Variants in GNG2 observed in about 807,000 individuals in gnomAD.
GNG2 encodes the protein guanine nucleotide-binding protein G(I)/G(S)/G(O) subunit gamma-2.
Under a neutral mutation model 5.5 loss-of-function variants are expected in GNG2, and 5 were observed. That is an observed-to-expected ratio of 0.91 (90% CI 0.48 to 1.92). The LOEUF (loss-of-function observed/expected upper bound fraction) is 1.92. Among genes scored for constraint, GNG2 ranks in the 30% most tolerant of loss-of-function variants. GNG2 has a pLI of 0.01. For missense variants in GNG2, 55 were observed against 88.4 expected (o/e 0.62, Z 1.52); for synonymous variants, 28 against 32.0 (o/e 0.88, Z 0.42).
rs140420570 is a variant in GNG2 at position 51,834,449 on chromosome 14, G to C, written c.64+6642G>C. 1.9e-3 allele frequency among the ~76,000 whole-genome samples: 283 copies of C among 152,284 alleles called. 3 individuals carry two copies. The highest frequency in any genetic ancestry group is 6.5e-3 in the African/African-American group (269 of 41,558). ...TTGGTGACAGAAAACAGAGCTTGTC[G>C]ACCAGCTGGGAGACAAGTGTCAAGT... On this transcript the variant is annotated intron_variant, in intron 2 of 3. Transcript: ENST00000553432.
chr14:51,870,461 T>A (rs576495766), intron 1 of GNG2, among the ~76,000 whole-genome samples: 1 of 152,182 alleles, frequency 6.6e-6, no homozygotes, highest in Non-Finnish European at 1.5e-5. Context: ...CATTGTAAAA[T>A]ATATATATAA....
At chr14:51,919,176 T>TTATA (rs1886857481) in intron 2 of GNG2, among the ~76,000 whole-genome samples, 1 of 152,136 alleles carries the variant, frequency 6.6e-6, no homozygotes, top group African/African-American at 2.4e-5. Context: ...ACTCTAAATT[T>TTATA]TATAACTTAG....
exon 2 of GNG2, chr14:51,827,739 G>C: frequency 1.4e-6 from 1 of 701,946 alleles, no homozygotes; most frequent in Non-Finnish European, 2.6e-6. Flanking sequence ...CTCTGGTCTA[G>C]GGGCATGCAG....
intron 2 of GNG2, among the ~76,000 whole-genome samples, chr14:51,935,149 C>G (rs527560324): frequency 6.6e-6 from 1 of 152,050 alleles, no homozygotes; most frequent in African/African-American, 2.4e-5. Context: ...CTCCGCCTCC[C>G]AAGTAGCTGG....
chr14:51,896,279 C>CT (rs1885187468), intron 2 of GNG2, among the ~76,000 whole-genome samples: 2 of 152,172 alleles, frequency 1.3e-5, no homozygotes, highest in Non-Finnish European at 2.9e-5. Flanking sequence ...TAGAGAACAT[C>CT]TATAATTATC....
chr14:51,933,586 T>G (rs1887785465), intron 2 of GNG2, among the ~76,000 whole-genome samples: 1 of 152,152 alleles, frequency 6.6e-6, no homozygotes, highest in Admixed American at 6.5e-5. Flanking sequence ...GAGACAAAAT[T>G]AATGATGCCA....
chr14:51,934,582 C>T (rs1887857017), intron 2 of GNG2, among the ~76,000 whole-genome samples: 1 of 152,164 alleles, frequency 6.6e-6, no homozygotes, highest in African/African-American at 2.4e-5. Context: ...GGGGAAATGA[C>T]TCATCCGTGA....
intron 2 of GNG2, among the ~76,000 whole-genome samples, chr14:51,883,442 C>A (rs1211646740): frequency 6.6e-6 from 1 of 152,322 alleles, no homozygotes; most frequent in African/African-American, 2.4e-5. Flanking sequence ...TGCAAACCCG[C>A]AGCTGTAAAA....
At chr14:51,893,125 T>C (rs1884971240) in intron 2 of GNG2, among the ~76,000 whole-genome samples, 1 of 152,202 alleles carries the variant, frequency 6.6e-6, no homozygotes, top group Admixed American at 6.5e-5. Context: ...TGTGGTGGAA[T>C]CCCAAACAGG....
chr14:51,969,764 ATG>A lies in GNG2; in HGVS notation c.*3081_*3082del, dbSNP rs1484071691. On this transcript the variant is annotated 3_prime_UTR_variant, in exon 4 of 4. Coordinates refer to ENST00000556766, the MANE Select transcript of GNG2 (RefSeq NM_053064.5). ...CATTTTCATCCCACATGGACAATGT[ATG>A]TGTTTTAATAAATGGAATTTTCAGA... 1.3e-5 allele frequency: 2 copies of A among 152,246 alleles called. No homozygotes were observed. The highest frequency in any genetic ancestry group is 4.8e-5 in the African/African-American group (2 of 41,470). 9.4% of individuals were successfully genotyped at this position (152,246 alleles called of 1,614,324 possible). A position where few individuals can be genotyped will look rare whatever the true frequency, so the allele number is the denominator to read the frequency against.
intron 3 of GNG2, among the ~76,000 whole-genome samples, chr14:51,951,291 G>A (rs1888962242): frequency 6.6e-6 from 1 of 152,176 alleles, no homozygotes; most frequent in South Asian, 2.1e-4. Flanking sequence ...GAGGTTTAAT[G>A]AAAGTTCATA....
rs535202343 is a variant in GNG2, at chr14:51,949,037, C to T, written c.-29-1613C>T. 9.9e-5 allele frequency among the ~76,000 whole-genome samples: 15 copies of T among 151,130 alleles called. No homozygotes were observed. In the South Asian group the frequency reaches 2.3e-3, roughly 23 times the overall value. On this transcript the variant is annotated intron_variant, in intron 2 of 3. Coordinates refer to ENST00000556766, the MANE Select transcript of GNG2 (RefSeq NM_053064.5). ...TCAGGAGGCTGAGGCAGGAGAATGG[C>T]ATGAACCTGGGTGGTGGAGCTTGCA... is the stretch of plus-strand genomic sequence containing the variant.
chr14:51,918,005 AAG>A (rs771229248), intron 2 of GNG2, among the ~76,000 whole-genome samples: 7 of 150,680 alleles, frequency 4.6e-5, no homozygotes, highest in Non-Finnish European at 1.0e-4. Context: ...TAGTCTGGGC[AAG>A]AGAGAGAGAC....
chr14:51,836,214 A>G (rs374440515), intron 2 of GNG2, among the ~76,000 whole-genome samples: 20 of 152,012 alleles, frequency 1.3e-4, no homozygotes, highest in African/African-American at 4.6e-4. Context: ...TCATGACCTG[A>G]TTATCTCGCA....
Position 51,841,309 on chromosome 14 carries a change from G to A in GNG2, c.64+13502G>A, listed in dbSNP as rs189128027. Among the ~76,000 whole-genome samples, 1,006 of 152,256 alleles carry A rather than the reference G, an allele frequency of 6.6e-3. 5 individuals carry two copies. Among genetic ancestry groups the A allele is most frequent in the Middle Eastern group, 0.017 (5 of 294 alleles). ...CTGACTGAGTTAGAATCTATGGCAGGGAGTCCAGGAATCTAGACTTTAAAA... is the reference window on the plus strand; with the variant it reads ...CTGACTGAGTTAGAATCTATGGCAGAGAGTCCAGGAATCTAGACTTTAAAA... On this transcript the variant is annotated intron_variant, in intron 2 of 3. Coordinates refer to the GNG2 transcript ENST00000553432.
chr14:51,942,589 C>CTTTCTT (rs761049973), intron 2 of GNG2, among the ~76,000 whole-genome samples: 4 of 81,146 alleles, frequency 4.9e-5, no homozygotes, highest in Non-Finnish European at 9.0e-5. Context: ...TTCTTTCTTT[C>CTTTCTT]TTTTTTTTTT....
At chr14:51,877,582 T>A (rs1594865931) in intron 1 of GNG2, 35 bp from the exon 2 acceptor site, 1 of 455,314 alleles carries the variant, frequency 2.2e-6, no homozygotes, top group Admixed American at 2.4e-5. Context: ...TTTTTCCTTT[T>A]AAAAAATTCG....
intron 2 of GNG2, among the ~76,000 whole-genome samples, chr14:51,921,309 C>A (rs1887002540): frequency 1.3e-5 from 2 of 152,096 alleles, no homozygotes; most frequent in South Asian, 4.1e-4. Flanking sequence ...GTACTTAGGG[C>A]CTGCATTATG....
At chr14:51,946,905 C>T (rs1888674713) in intron 2 of GNG2, among the ~76,000 whole-genome samples, 1 of 151,904 alleles carries the variant, frequency 6.6e-6, no homozygotes, top group African/African-American at 2.4e-5. Flanking sequence ...GGGATTTTTT[C>T]ATTGCTTTTA....
Sources: allele counts gnomAD v4.1 joint callset (sites outside exome capture counted in the v4.1 genomes callset), GRCh38; gene constraint gnomAD v4.1.1; transcripts MANE v1.5; gene names NCBI Gene and HGNC (gene_info 2026-07-23, HGNC 2026-07-21).